The following ZNF273 variants were observed in gnomAD, a reference collection of about 807,000 sequenced individuals.
ZNF273 encodes zinc finger protein 9.
ZNF273 carries 11 observed loss-of-function variants against 14.9 expected under a neutral mutation model. The observed-to-expected ratio is 0.74, with a 90% CI of 0.46 to 1.22. The LOEUF (loss-of-function observed/expected upper bound fraction) is 1.22, where lower values mean the gene tolerates loss of function less well. ZNF273 is among the 50% of genes most tolerant of loss of function. The pLI is 0.00. For synonymous variants in ZNF273, 199 were observed against 223.9 expected (o/e 0.89, Z 0.99); for missense variants, 577 against 660.6 (o/e 0.87, Z 1.39).
chr7:64,914,901 G>C (rs889574709), intron 1 of ZNF273, among the ~76,000 whole-genome samples: 2 of 143,946 alleles, frequency 1.4e-5, no homozygotes, highest in Admixed American at 7.2e-5. Context: ...CCCAGAGAAG[G>C]AGGAGAAAAG....
chr7:64,898,575 A>C (rs1198794228), upstream of ZNF273, among the ~76,000 whole-genome samples: 4 of 152,236 alleles, frequency 2.6e-5, no homozygotes, highest in African/African-American at 9.6e-5. Flanking sequence ...ATCCATATTG[A>C]GTACTATAAA....
upstream of ZNF273, among the ~76,000 whole-genome samples, chr7:64,901,807 G>A (rs1259011334): frequency 2.7e-5 from 4 of 150,916 alleles, no homozygotes; most frequent in Non-Finnish European, 4.4e-5. Flanking sequence ...AAAATTAGCC[G>A]GGCACGATGG....
At chr7:64,886,448 G>T (rs1159363366) in intron 1 of ZNF273, among the ~76,000 whole-genome samples, 5 of 152,202 alleles carry the variant, frequency 3.3e-5, no homozygotes, top group African/African-American at 7.2e-5. Context: ...AACTAAATTT[G>T]CACTTGGTGG....
At chr7:64,905,316 A>G (rs188521809) in intron 1 of ZNF273, among the ~76,000 whole-genome samples, 1,734 of 151,094 alleles carry the variant, frequency 0.011, 31 homozygotes, top group African/African-American at 0.04. Context: ...AGGTTTCACC[A>G]TGTTGGCTGT....
intron 2 of ZNF273, chr7:64,879,434 T>C (rs2129027389): frequency 6.6e-6 from 1 of 152,390 alleles, no homozygotes; most frequent in African/African-American, 2.4e-5. Flanking sequence ...ACAGCACTAC[T>C]GGACATGTTT....
upstream of ZNF273, among the ~76,000 whole-genome samples, chr7:64,902,978 C>T (rs1485001226): frequency 1.3e-5 from 2 of 152,202 alleles, no homozygotes; most frequent in African/African-American, 4.8e-5. Context: ...TTTCCTTTCA[C>T]ACACTATACT....
At chr7:64,896,975 G>A (rs1464999066) in intron 3 of ZNF273, among the ~76,000 whole-genome samples, 1 of 152,142 alleles carries the variant, frequency 6.6e-6, no homozygotes, top group Non-Finnish European at 1.5e-5. Flanking sequence ...CCCTTCAAAA[G>A]AAGCAACTCT....
At chr7:64,883,222 C>A (rs930202044), downstream of ZNF273, among the ~76,000 whole-genome samples, 15 of 136,736 alleles carry the variant, frequency 1.1e-4, 1 homozygote, top group African/African-American at 5.2e-5. Context: ...CCACCCCCCC[C>A]TCACCAAGCA....
intron 3 of ZNF273, among the ~76,000 whole-genome samples, chr7:64,922,811 G>A (rs906505835): frequency 7.9e-5 from 12 of 151,692 alleles, no homozygotes; most frequent in Non-Finnish European, 1.3e-4. Flanking sequence ...CTAAAAATAC[G>A]AAACATTAGC....
intron 3 of ZNF273, among the ~76,000 whole-genome samples, chr7:64,920,267 G>C (rs1471019541): frequency 6.6e-6 from 1 of 152,210 alleles, no homozygotes; most frequent in Non-Finnish European, 1.5e-5. Context: ...TTGTAGGGCA[G>C]ACACCAGGGC....
rs547359860 is a variant in ZNF273 at position 64,924,408 on chromosome 7, T to C, written c.326-3246T>C. 3.3e-5 allele frequency: 5 copies of C among 152,284 alleles called. 1 individual carries two copies. In the Middle Eastern group the frequency reaches 0.014, roughly 414 times the overall value. The allele number at this position is 152,284 out of a possible 1,614,324, so 9.4% of individuals were successfully genotyped here. On this transcript the variant is annotated intron_variant, in intron 3 of 3. Coordinates refer to ENST00000476120, the MANE Select transcript of ZNF273 (RefSeq NM_021148.3). The stretch of plus-strand genomic sequence containing the variant: ...CTTGTTTTATTCTTACTATAGAAAA[T>C]GGGATATTAAAATAGTCTATAATTA...
At chr7:64,922,774 G>A (rs1159638768) in intron 3 of ZNF273, among the ~76,000 whole-genome samples, 1 of 151,880 alleles carries the variant, frequency 6.6e-6, no homozygotes, top group African/African-American at 2.4e-5. Flanking sequence ...AGGCCAGCCT[G>A]GCCAACATGG....
intron 3 of ZNF273, among the ~76,000 whole-genome samples, chr7:64,918,913 GAC>G (rs1315000674): frequency 1.3e-5 from 2 of 152,108 alleles, no homozygotes; most frequent in African/African-American, 2.4e-5. Flanking sequence ...TGTTTTGGGG[GAC>G]ACACAGATAT....
At chr7:64,894,850 C>G (rs899095311), downstream of ZNF273, among the ~76,000 whole-genome samples, 2 of 152,146 alleles carry the variant, frequency 1.3e-5, 1 homozygote, top group Admixed American at 1.3e-4. Context: ...AAAGATCGGG[C>G]CGGGCACGGT....
chr7:64,904,161 T>C (rs537504383), intron 1 of ZNF273, among the ~76,000 whole-genome samples: 1 of 152,298 alleles, frequency 6.6e-6, no homozygotes, highest in South Asian at 2.1e-4. Context: ...CCATCTCGGC[T>C]CACTGCAACC....
At chr7:64,887,439 T>G (rs1020695471) in intron 1 of ZNF273, among the ~76,000 whole-genome samples, 5 of 152,088 alleles carry the variant, frequency 3.3e-5, no homozygotes, top group African/African-American at 1.2e-4. Context: ...TTGGAGTGAG[T>G]GGAGAGGGCC....
intron 1 of ZNF273, among the ~76,000 whole-genome samples, chr7:64,905,032 G>T (rs1267171890): frequency 6.6e-6 from 1 of 151,596 alleles, no homozygotes; most frequent in African/African-American, 2.4e-5. Context: ...TCTCCCATAG[G>T]ACAGTCTCAG....
downstream of ZNF273, among the ~76,000 whole-genome samples, chr7:64,890,862 G>C (rs1235159645): frequency 6.6e-6 from 1 of 152,212 alleles, no homozygotes; most frequent in Non-Finnish European, 1.5e-5. Context: ...GAACCAGCAG[G>C]CTTCCTTCAC....
At position 64,903,273 on chromosome 7, in the gene ZNF273, GTC is replaced by G. The variant is rs1010014051; in HGVS notation, c.-40_-39del. The G allele has an allele frequency of 1.1e-5, 17 of 1,515,816 alleles. No individual in the cohort carries two copies. Among genetic ancestry groups the G allele is most frequent in the Non-Finnish European group, 1.3e-5 (14 of 1,095,876 alleles). 93.9% of individuals were successfully genotyped at this position (1,515,816 alleles called of 1,614,324 possible). ...GCTTCCGGGATTTGGCGGGGCCTTT[GTC>G]TCTCGCTGCAGTCGCAGCTCCAGGT... On this transcript the variant is annotated 5_prime_UTR_variant, in exon 1 of 4. Coordinates refer to ENST00000476120, the MANE Select transcript of ZNF273 (RefSeq NM_021148.3).
Sources: gnomAD v4.1 joint callset for allele counts (sites outside exome capture counted in the v4.1 genomes callset) on GRCh38, gnomAD v4.1.1 for gene constraint, MANE v1.5 for transcripts, NCBI Gene and HGNC (gene_info 2026-07-23, HGNC 2026-07-21) for gene names.